The following BCKDHB variants were observed in gnomAD, a reference collection of about 807,000 sequenced individuals.
BCKDHB encodes the protein branched chain keto acid dehydrogenase E1 subunit beta.
In BCKDHB, 41 loss-of-function variants were observed where a neutral mutation model predicts 48.5. That is an observed-to-expected ratio of 0.85 (90% CI 0.66 to 1.10). The LOEUF is 1.10. Ranked by LOEUF, BCKDHB falls within the 50% of genes least tolerant of loss-of-function variation. The pLI is 0.00. For synonymous variants in BCKDHB, 201 were observed against 174.8 expected, an observed-to-expected ratio of 1.15 and a Z score of -1.18; for missense variants, 496 against 494.2, an observed-to-expected ratio of 1.00 and a Z score of -0.03.
At chr6:80,349,666 C>T (rs568395405), downstream of BCKDHB, among the ~76,000 whole-genome samples, 2 of 152,018 alleles carry the variant, frequency 1.3e-5, no homozygotes, top group African/African-American at 2.4e-5. Context: ...TAATTCATAT[C>T]AGACAAAATA....
intron 1 of BCKDHB, among the ~76,000 whole-genome samples, chr6:80,108,600 G>A (rs1769254198): frequency 2.0e-5 from 3 of 150,516 alleles, no homozygotes; most frequent in Admixed American, 1.3e-4. Flanking sequence ...AGTGGCTCAC[G>A]TCTGTAATCC....
the BCKDHB span, chr6:80,373,948 T>C: frequency 5.0e-5 from 25 of 500,540 alleles, no homozygotes; most frequent in Admixed American, 6.2e-4. Flanking sequence ...TTTGCTGAAT[T>C]CTCAACCATT....
Position 80,188,673 on chromosome 6 carries a change from CA to C in BCKDHB, c.743-12258del, listed in dbSNP as rs201611822. 6.0e-3 allele frequency among the ~76,000 whole-genome samples: 909 copies of C among 152,198 alleles called. 11 individuals carry two copies. The highest frequency in any genetic ancestry group is 0.021 in the African/African-American group (871 of 41,542). The stretch of plus-strand genomic sequence containing the variant: ...CTCCAAAACCCCAAAACCCAAAAAA[CA>C]AACTACCAATCGCTTACTATGCTTA... On this transcript the variant is annotated intron_variant, in intron 6 of 9. Coordinates refer to ENST00000320393, the MANE Select transcript of BCKDHB (RefSeq NM_183050.4).
chr6:80,296,669 G>A (rs1767267451), intron 9 of BCKDHB, among the ~76,000 whole-genome samples: 1 of 151,214 alleles, frequency 6.6e-6, no homozygotes, highest in Admixed American at 6.6e-5. Context: ...TTTTTAATGA[G>A]CAGATCAGTG....
the BCKDHB span, among the ~76,000 whole-genome samples, chr6:80,437,911 T>C: frequency 3.3e-5 from 5 of 152,250 alleles, no homozygotes; most frequent in Admixed American, 1.3e-4. Context: ...CGTTCCAATC[T>C]ATGCTGCAAA....
intron 6 of BCKDHB, among the ~76,000 whole-genome samples, chr6:80,197,977 TCC>T (rs1377228043): frequency 6.6e-6 from 1 of 151,900 alleles, no homozygotes; most frequent in East Asian, 1.9e-4. Context: ...CATCCATCCA[TCC>T]GTCTATGCAT....
intron 6 of BCKDHB, among the ~76,000 whole-genome samples, chr6:80,193,262 G>A (rs1322973569): frequency 2.7e-4 from 41 of 152,118 alleles, no homozygotes; most frequent in Non-Finnish European, 2.9e-5. Context: ...AAGACTTTCT[G>A]TTTCAAGTTA....
the BCKDHB span, chr6:80,443,488 A>T: frequency 6.6e-6 from 1 of 152,122 alleles, no homozygotes; most frequent in Non-Finnish European, 1.5e-5. Flanking sequence ...TATGTTAAGG[A>T]CATGAAGTGA....
At chr6:80,152,507 T>C (rs1270238559) in intron 3 of BCKDHB, among the ~76,000 whole-genome samples, 1 of 152,178 alleles carries the variant, frequency 6.6e-6, no homozygotes, top group Non-Finnish European at 1.5e-5. Context: ...TAATTTAAGC[T>C]TAACTGGTTA....
chr6:80,460,508 C>A, the BCKDHB span, among the ~76,000 whole-genome samples: 1 of 152,230 alleles, frequency 6.6e-6, no homozygotes, highest in Admixed American at 6.5e-5. Context: ...AATGCCCAAG[C>A]ATTGGCTCAC....
chr6:80,197,329 T>C (rs142218829), intron 6 of BCKDHB, among the ~76,000 whole-genome samples: 85 of 152,332 alleles, frequency 5.6e-4, no homozygotes, highest in Middle Eastern at 3.4e-3. Flanking sequence ...AATTAATTCT[T>C]ATTCTCCTGT....
chr6:80,344,679 T>C lies in BCKDHB; in HGVS notation c.*875T>C, dbSNP rs977477388. ...GATTTCTAAAAAATAGATGCATGCATATGTTAACATTGAATAGTCAATCAC... is the reference window on the plus strand; with the variant it reads ...GATTTCTAAAAAATAGATGCATGCACATGTTAACATTGAATAGTCAATCAC... On this transcript the variant is annotated 3_prime_UTR_variant, in exon 10 of 10. Transcript: ENST00000320393. 3 of 152,234 alleles carry C rather than the reference T, an allele frequency of 2.0e-5. No homozygotes were observed. Among genetic ancestry groups the C allele is most frequent in the Non-Finnish European group, 4.4e-5 (3 of 68,046 alleles). 9.4% of individuals were successfully genotyped at this position (152,234 alleles called of 1,614,324 possible). A position where few individuals can be genotyped will look rare whatever the true frequency, so the allele number is the denominator to read the frequency against.
At chr6:80,419,217 A>G in the BCKDHB span, among the ~76,000 whole-genome samples, 2,452 of 152,260 alleles carry the variant, frequency 0.016, 27 homozygotes, top group Non-Finnish European at 0.026. Flanking sequence ...GGGAGTTGCC[A>G]TGGGTCTGGG....
chr6:80,297,701 A>G (rs1274737391), intron 9 of BCKDHB, among the ~76,000 whole-genome samples: 1 of 152,322 alleles, frequency 6.6e-6, no homozygotes, highest in African/African-American at 2.4e-5. Context: ...GAGAGTGAGG[A>G]CATTTCCATA....
intron 9 of BCKDHB, among the ~76,000 whole-genome samples, chr6:80,318,896 G>T (rs980580795): frequency 6.6e-6 from 1 of 152,022 alleles, no homozygotes; most frequent in Non-Finnish European, 1.5e-5. Context: ...TTATAAAAGG[G>T]ACTTGAGCAT....
the BCKDHB span, among the ~76,000 whole-genome samples, chr6:80,377,040 AT>A: frequency 0.4 from 53,136 of 132,624 alleles, 9,936 homozygotes; most frequent in East Asian, 0.61. Flanking sequence ...AAGGCTTTTA[AT>A]TTTTTTTTTT....
At chr6:80,189,799 T>C (rs1385604213) in intron 6 of BCKDHB, among the ~76,000 whole-genome samples, 1 of 152,162 alleles carries the variant, frequency 6.6e-6, no homozygotes, top group Admixed American at 6.5e-5. Flanking sequence ...ATTTTCTCAG[T>C]AATATATATT....
At chr6:80,326,065 A>G (rs1239946015) in intron 9 of BCKDHB, among the ~76,000 whole-genome samples, 1 of 152,238 alleles carries the variant, frequency 6.6e-6, no homozygotes, top group Admixed American at 6.5e-5. Flanking sequence ...TGGTTCATTA[A>G]TTGTGACAAA....
At chr6:80,130,211 T>A (rs1234715199) in intron 3 of BCKDHB, among the ~76,000 whole-genome samples, 2 of 152,228 alleles carry the variant, frequency 1.3e-5, no homozygotes, top group Admixed American at 6.5e-5. Context: ...TTATTTTTTG[T>A]CTTAGTCTTA....
Sources: gnomAD v4.1 joint callset for allele counts (sites outside exome capture counted in the v4.1 genomes callset) on GRCh38, gnomAD v4.1.1 for gene constraint, MANE v1.5 for transcripts, NCBI Gene and HGNC (gene_info 2026-07-23, HGNC 2026-07-21) for gene names.